Variants in ZFHX3 observed in about 807,000 individuals in gnomAD.
ZFHX3 encodes the protein zinc finger homeobox protein 3.
In ZFHX3, 42 loss-of-function variants were observed where a neutral mutation model predicts 279.1. The observed-to-expected ratio is 0.15, with a 90% CI of 0.12 to 0.19. The LOEUF is 0.19. Among genes scored for constraint, ZFHX3 ranks in the 10% least tolerant of loss-of-function variants. The probability of loss-of-function intolerance (pLI) is 1.00; values close to 1 mark genes in which losing one functional copy is unlikely to be tolerated. For synonymous variants in ZFHX3, 2,293 were observed against 1,957.8 expected, an observed-to-expected ratio of 1.17 and a Z score of -4.52; for missense variants, 4,981 against 4,754.0, an observed-to-expected ratio of 1.05 and a Z score of -1.40.
intron 7 of ZFHX3, among the ~76,000 whole-genome samples, chr16:73,111,146 G>C (rs1050684085): frequency 6.6e-6 from 1 of 152,078 alleles, no homozygotes; most frequent in Non-Finnish European, 1.5e-5. Context: ...TCACCATGTT[G>C]GTCAGGCTGG....
chr16:73,250,781 G>C (rs1014472656), intron 5 of ZFHX3, among the ~76,000 whole-genome samples: 2 of 152,072 alleles, frequency 1.3e-5, no homozygotes, highest in African/African-American at 4.8e-5. Flanking sequence ...TGATCCGCCC[G>C]CCTCAGGCTC....
intron 3 of ZFHX3, among the ~76,000 whole-genome samples, chr16:73,452,678 T>G (rs1342182489): frequency 6.6e-6 from 1 of 152,176 alleles, no homozygotes; most frequent in East Asian, 1.9e-4. Flanking sequence ...GACCAAAATG[T>G]GGGTGGGCCT....
chr16:72,801,396 G>C (rs940692264), intron 7 of ZFHX3, among the ~76,000 whole-genome samples: 12 of 152,092 alleles, frequency 7.9e-5, no homozygotes, highest in African/African-American at 2.4e-4. Context: ...ATTTTTAATG[G>C]TGTGACGATC....
chr16:72,893,631 A>G (rs1444570631), intron 3 of ZFHX3, among the ~76,000 whole-genome samples: 1 of 152,214 alleles, frequency 6.6e-6, no homozygotes, highest in Non-Finnish European at 1.5e-5. Context: ...ACTGCCATGA[A>G]TTATTCTGTC....
At chr16:72,903,894 C>T (rs946637901) in intron 3 of ZFHX3, among the ~76,000 whole-genome samples, 3 of 152,186 alleles carry the variant, frequency 2.0e-5, no homozygotes, top group African/African-American at 7.2e-5. Flanking sequence ...CCAAAGCTGT[C>T]CCCAAGCCCC....
Position 73,402,457 on chromosome 16 carries a change from C to T in ZFHX3, c.-1291+53546G>A, listed in dbSNP as rs370325719. ...TTGAATTACTAGAAAAATAAAATGTCGCTTGAATGTTGCAGTCATGTCATA... is the reference window on the plus strand; with the variant it reads ...TTGAATTACTAGAAAAATAAAATGTTGCTTGAATGTTGCAGTCATGTCATA... On this transcript the variant is annotated intron_variant, in intron 3 of 17. Coordinates refer to the ZFHX3 transcript ENST00000641206. 99 of 152,292 alleles carry T rather than the reference C, an allele frequency of 6.5e-4. 1 individual carries two copies. Among genetic ancestry groups the T allele is most frequent in the African/African-American group, 2.2e-3 (93 of 41,566 alleles). 9.4% of individuals were successfully genotyped at this position (152,292 alleles called of 1,614,324 possible).
At chr16:73,068,261 C>T (rs1250795232) in intron 8 of ZFHX3, among the ~76,000 whole-genome samples, 1 of 152,150 alleles carries the variant, frequency 6.6e-6, no homozygotes, top group Non-Finnish European at 1.5e-5. Flanking sequence ...TTCTATTACA[C>T]CAGTTGCCTC....
At chr16:73,762,598 T>A (rs1476021728) in intron 1 of ZFHX3, among the ~76,000 whole-genome samples, 3 of 152,142 alleles carry the variant, frequency 2.0e-5, no homozygotes, top group Non-Finnish European at 2.9e-5. Context: ...AATGACAGAC[T>A]GGATAAAGAA....
intron 5 of ZFHX3, among the ~76,000 whole-genome samples, chr16:73,221,567 T>A (rs968382602): frequency 9.9e-5 from 15 of 151,994 alleles, no homozygotes; most frequent in Non-Finnish European, 1.9e-4. Context: ...AAGAACTTAC[T>A]CATGTAACCA....
At chr16:73,593,741 T>G (rs2143847696) in intron 2 of ZFHX3, among the ~76,000 whole-genome samples, 1 of 152,252 alleles carries the variant, frequency 6.6e-6, no homozygotes, top group African/African-American at 2.4e-5. Flanking sequence ...TTACGGACAC[T>G]GAGGGATGAC....
intron 2 of ZFHX3, among the ~76,000 whole-genome samples, chr16:73,582,620 G>A (rs573757532): frequency 6.6e-6 from 1 of 151,906 alleles, no homozygotes; most frequent in South Asian, 2.1e-4. Context: ...GATTACAGGT[G>A]CCCAGCACCA....
At position 72,989,308 on chromosome 16, in the gene ZFHX3, C is replaced by T. The variant is rs567375868; in HGVS notation, c.-49-29114G>A. 7.2e-5 allele frequency among the ~76,000 whole-genome samples: 11 copies of T among 152,120 alleles called. No homozygotes were observed. In the South Asian group the frequency reaches 2.3e-3, roughly 32 times the overall value. ...GAGACCAGCCAGGCCAAGGTGAAAC[C>T]CTGTCTCTACTAAAAATACAAATAT... On this transcript the variant is annotated intron_variant, in intron 1 of 9. Transcript: ENST00000268489.
chr16:73,247,887 A>T (rs2013347378), intron 5 of ZFHX3, among the ~76,000 whole-genome samples: 1 of 150,930 alleles, frequency 6.6e-6, no homozygotes, highest in African/African-American at 2.4e-5. Context: ...GTGTGTGTAT[A>T]CTGTGTATAT....
chr16:73,882,087 A>G (rs980093734), intron 1 of ZFHX3, among the ~76,000 whole-genome samples: 5 of 152,200 alleles, frequency 3.3e-5, no homozygotes, highest in African/African-American at 1.2e-4. Flanking sequence ...GTAAAACGGC[A>G]TTAGTAATTC....
At chr16:73,047,403 G>T (rs1965336412) in intron 1 of ZFHX3, among the ~76,000 whole-genome samples, 1 of 152,160 alleles carries the variant, frequency 6.6e-6, no homozygotes, top group African/African-American at 2.4e-5. Context: ...GACTTCTCCA[G>T]GGCTGAAAAG....
chr16:73,246,436 C>G (rs1160917288), intron 5 of ZFHX3, among the ~76,000 whole-genome samples: 1 of 152,146 alleles, frequency 6.6e-6, no homozygotes, highest in Non-Finnish European at 1.5e-5. Flanking sequence ...GGTAATGGTT[C>G]AGAATCCAGG....
intron 1 of ZFHX3, among the ~76,000 whole-genome samples, chr16:72,985,476 A>C (rs1054504624): frequency 6.6e-6 from 1 of 152,190 alleles, no homozygotes; most frequent in African/African-American, 2.4e-5. Flanking sequence ...TACACACGTC[A>C]ATTTTTCCCC....
In ZFHX3 at chr16:73,105,245, T is replaced by TTA. The variant is rs376545382; in HGVS notation, c.-896-11649_-896-11648dup. Among the ~76,000 whole-genome samples, 252 of 145,426 alleles carry TTA rather than the reference T, an allele frequency of 1.7e-3. 1 individual carries two copies. Among genetic ancestry groups the TTA allele is most frequent in the African/African-American group, 4.6e-3 (182 of 39,302 alleles). On this transcript the variant is annotated intron_variant, in intron 7 of 17. Transcript: ENST00000641206. ...ACACAGCGAGACACTGTCTCTAATT[T>TTA]TATATATATATATATGCATATATAT...
chr16:73,461,359 T>TA (rs2018467379), intron 2 of ZFHX3, among the ~76,000 whole-genome samples: 2 of 152,214 alleles, frequency 1.3e-5, no homozygotes. Flanking sequence ...AGCTTATCTT[T>TA]TTGTTTTCCT....
Sources: allele counts gnomAD v4.1 joint callset (sites outside exome capture counted in the v4.1 genomes callset), GRCh38; gene constraint gnomAD v4.1.1; transcripts MANE v1.5; gene names NCBI Gene and HGNC (gene_info 2026-07-23, HGNC 2026-07-21).